Variants in PPP2R5C observed in about 807,000 individuals in gnomAD.
PPP2R5C encodes serine/threonine-protein phosphatase 2A 56 kDa regulatory subunit gamma isoform.
In PPP2R5C, 7 loss-of-function variants were observed where a neutral mutation model predicts 68.9. The observed-to-expected ratio is 0.10, with a 90% CI of 0.06 to 0.19. The LOEUF (loss-of-function observed/expected upper bound fraction) is 0.19. Ranked by LOEUF, PPP2R5C falls within the 10% of genes least tolerant of loss-of-function variation. PPP2R5C has a pLI of 1.00. For synonymous variants in PPP2R5C, 210 were observed against 222.2 expected (o/e 0.95, Z 0.49); for missense variants, 348 against 641.3 (o/e 0.54, Z 4.94).
chr14:101,906,937 A>C lies in PPP2R5C; in HGVS notation c.1151+408A>C, dbSNP rs1470148272. On this transcript the variant is annotated intron_variant, in intron 10 of 13. Transcript: ENST00000334743. The surrounding 1 kb of genome is among the most constrained non-coding windows in gnomAD (Gnocchi z 4.0). The stretch of plus-strand genomic sequence containing the variant: ...CTGGATGAGCCCCTGTGTGAGACCC[A>C]AGAACCACCCCACAGTGGTCACTAC... 6.6e-6 allele frequency among the ~76,000 whole-genome samples: 1 copy of C among 152,140 alleles called. No individual in the cohort carries two copies. The highest frequency in any genetic ancestry group is 1.5e-5 in the Non-Finnish European group (1 of 68,016).
At chr14:101,791,220 C>T (rs950933506) in intron 3 of PPP2R5C, among the ~76,000 whole-genome samples, 5 of 152,174 alleles carry the variant, frequency 3.3e-5, no homozygotes, top group African/African-American at 7.2e-5. Context: ...ATTGTCTTTT[C>T]GATTATAGCT....
At chr14:101,807,704 C>T (rs2039130646), upstream of PPP2R5C, among the ~76,000 whole-genome samples, 1 of 151,910 alleles carries the variant, frequency 6.6e-6, no homozygotes, top group African/African-American at 2.4e-5. Context: ...CCAGATCAGC[C>T]TTGGGTTCTT....
Position 101,890,311 on chromosome 14 carries a change from T to A in PPP2R5C, c.689+15T>A, listed in dbSNP as rs369199403. On this transcript the variant is annotated intron_variant, in intron 6 of 13. Coordinates refer to ENST00000334743, the Ensembl canonical transcript of PPP2R5C. ...ATATTGGGAAGGTAAGCCTCTGTTATGGGTAGCAAACGGCTGTAGATGGAA... is the reference window on the plus strand; with the variant it reads ...ATATTGGGAAGGTAAGCCTCTGTTAAGGGTAGCAAACGGCTGTAGATGGAA... The A allele has an allele frequency of 5.4e-5, 87 of 1,610,504 alleles. No homozygotes were observed. The highest frequency in any genetic ancestry group is 7.1e-5 in the Non-Finnish European group (84 of 1,177,020).
chr14:101,771,370 T>C (rs1432066720), intron 2 of PPP2R5C, among the ~76,000 whole-genome samples: 1 of 151,620 alleles, frequency 6.6e-6, no homozygotes, highest in Admixed American at 6.6e-5. Context: ...TTCTCCTGCC[T>C]CAGCCTCCCA....
At chr14:101,829,458 C>T (rs566233293) in intron 1 of PPP2R5C, among the ~76,000 whole-genome samples, 2 of 152,246 alleles carry the variant, frequency 1.3e-5, no homozygotes, top group Non-Finnish European at 2.9e-5. Context: ...TGCTGGGCTA[C>T]GGGCCCCACC....
At chr14:101,883,170 A>G in intron 3 of PPP2R5C, 87 bp from the exon 6 acceptor site, 1 of 918,344 alleles carries the variant, frequency 1.1e-6, no homozygotes, top group Non-Finnish European at 1.6e-6. Flanking sequence ...ATATTTGCAT[A>G]CCAATAAAGA....
In PPP2R5C at chr14:101,924,445, C is replaced by CTTTTTTTTTTTTTTTTTT. The variant is rs11325673; in HGVS notation, c.1444-684_1444-683insTTTTTTTTTTTTTTTTTT. On this transcript the variant is annotated intron_variant, in intron 13 of 13. Coordinates refer to ENST00000334743, the Ensembl canonical transcript of PPP2R5C. ...TTTACCTCCAAGGAAATTTCTACAT[C>CTTTTTTTTTTTTTTTTTT]TTTTTTTTTTTTGAGATGGAGTCTG... 4.5e-3 allele frequency among the ~76,000 whole-genome samples: 381 copies of CTTTTTTTTTTTTTTTTTT among 84,402 alleles called. 89 individuals are homozygous for CTTTTTTTTTTTTTTTTTT. Among genetic ancestry groups the CTTTTTTTTTTTTTTTTTT allele is most frequent in the Non-Finnish European group, 6.8e-3 (261 of 38,464 alleles). The allele number at this position is 84,402 out of a possible 152,430, so 55.4% of individuals were successfully genotyped here.
intron 5 of PPP2R5C, among the ~76,000 whole-genome samples, chr14:101,885,089 C>G (rs1463026792): frequency 1.3e-5 from 2 of 152,212 alleles, no homozygotes. Flanking sequence ...GATGGCGTGT[C>G]TCTGTGAGAT....
chr14:101,808,396 C>T (rs918597895), upstream of PPP2R5C, among the ~76,000 whole-genome samples: 1 of 152,164 alleles, frequency 6.6e-6, no homozygotes, highest in African/African-American at 2.4e-5. Flanking sequence ...ATCACATCAT[C>T]TCCTGGCCGG....
At chr14:101,926,807 C>G (rs1021030723) in exon 14 of PPP2R5C, 1 of 152,176 alleles carries the variant, frequency 6.6e-6, no homozygotes, top group African/African-American at 2.4e-5. Flanking sequence ...TCACTTCAAG[C>G]CACTGGCAAT....
In PPP2R5C at chr14:101,870,498, G is replaced by A. The variant is rs537770115; in HGVS notation, c.295-11663G>A. The stretch of plus-strand genomic sequence containing the variant: ...TGAGTCTTCTTCTGGACTCTGTCCT[G>A]TCGCGTGTTTGTGTATCTCTGTTTG... On this transcript the variant is annotated intron_variant, in intron 2 of 13. Coordinates refer to ENST00000334743, the Ensembl canonical transcript of PPP2R5C. Among the ~76,000 whole-genome samples the A allele has an allele frequency of 1.4e-4, 21 of 152,308 alleles. No homozygotes were observed. The South Asian group carries it at 2.3e-3, about 17-fold the overall frequency.
At chr14:101,795,258 G>T (rs1001114420) in intron 3 of PPP2R5C, among the ~76,000 whole-genome samples, 1 of 152,166 alleles carries the variant, frequency 6.6e-6, no homozygotes, top group Non-Finnish European at 1.5e-5. Flanking sequence ...AATAGATATT[G>T]TCTACACACT....
intron 2 of PPP2R5C, chr14:101,766,779 C>G (rs2036882647): frequency 6.6e-6 from 1 of 152,202 alleles, no homozygotes; most frequent in Non-Finnish European, 1.5e-5. Flanking sequence ...TGGAGATTGA[C>G]AAAGGAGACT....
chr14:101,807,862 TAA>T (rs1055075416), upstream of PPP2R5C, among the ~76,000 whole-genome samples: 4 of 151,404 alleles, frequency 2.6e-5, no homozygotes, highest in Non-Finnish European at 4.4e-5. Context: ...ATATTATATA[TAA>T]AGCTCTTAGG....
At chr14:101,765,378 T>TC in intron 2 of PPP2R5C, 2 of 639,686 alleles carry the variant, frequency 3.1e-6, no homozygotes, top group East Asian at 5.5e-5. Context: ...TTGTTTTTTT[T>TC]CCCCTCAGTC....
chr14:101,832,197 T>C (rs1325475401), intron 1 of PPP2R5C, among the ~76,000 whole-genome samples: 1 of 152,222 alleles, frequency 6.6e-6, no homozygotes, highest in East Asian at 1.9e-4. Flanking sequence ...ATCTACAGTG[T>C]AGGCCAAATA....
intron 1 of PPP2R5C, among the ~76,000 whole-genome samples, chr14:101,851,041 G>A (rs926143255): frequency 5.3e-5 from 8 of 152,204 alleles, no homozygotes; most frequent in Non-Finnish European, 1.2e-4. Flanking sequence ...CTTTCCGAGA[G>A]CTTGAGCGCT....
At chr14:101,806,091 AT>A (rs1196299628), upstream of PPP2R5C, among the ~76,000 whole-genome samples, 2 of 151,850 alleles carry the variant, frequency 1.3e-5, no homozygotes, top group African/African-American at 4.8e-5. Flanking sequence ...TTTTATTTTT[AT>A]TTTTTTGTTT....
chr14:101,836,208 G>A (rs1308098584), intron 1 of PPP2R5C: 1 of 702,834 alleles, frequency 1.4e-6, no homozygotes, highest in South Asian at 1.5e-5. Context: ...GCTGAGCTGA[G>A]GTTGGAAGTC....
Sources: allele counts gnomAD v4.1 joint callset (sites outside exome capture counted in the v4.1 genomes callset), GRCh38; gene constraint gnomAD v4.1.1; non-coding constraint Gnocchi (gnomAD v3.1); transcripts MANE v1.5; gene names NCBI Gene and HGNC (gene_info 2026-07-23, HGNC 2026-07-21).